YAP1: variants seen among roughly 807,000 people sequenced by gnomAD.
YAP1 encodes transcriptional coactivator YAP1.
YAP1 carries 5 observed loss-of-function variants against 56.9 expected under a neutral mutation model. That is an observed-to-expected ratio of 0.09 (90% CI 0.05 to 0.18). The LOEUF (loss-of-function observed/expected upper bound fraction) is 0.18. YAP1 is among the 10% of genes least tolerant of loss of function. The pLI is 1.00. For synonymous variants in YAP1, 265 were observed against 248.1 expected (o/e 1.07, Z -0.64); for missense variants, 539 against 651.8 (o/e 0.83, Z 1.88).
Position 102,154,422 on chromosome 11 carries a change from A to G in YAP1, c.573-8034A>G, listed in dbSNP as rs149860374. Among the ~76,000 whole-genome samples, 86 of 152,154 alleles carry G rather than the reference A, an allele frequency of 5.7e-4. 1 individual carries two copies. Among genetic ancestry groups the G allele is most frequent in the Admixed American group, 8.5e-4 (13 of 15,262 alleles). ...ACTCTTCTAAGTAAGCCAGTCCTGT[A>G]AGCATGATTTGTATGAGTGTCTAGC... On this transcript the variant is annotated intron_variant, in intron 2 of 8. Transcript: ENST00000282441.
chr11:102,183,192 T>A (rs1238827223), intron 3 of YAP1, among the ~76,000 whole-genome samples: 1 of 152,212 alleles, frequency 6.6e-6, no homozygotes, highest in South Asian at 2.1e-4. Context: ...CTGAGCTGTC[T>A]CTTGCAGGAT....
At chr11:102,172,040 AG>A (rs1339441363) in intron 3 of YAP1, among the ~76,000 whole-genome samples, 19 of 152,072 alleles carry the variant, frequency 1.2e-4, no homozygotes, top group African/African-American at 4.6e-4. Context: ...AAATACAAAA[AG>A]TTACCTGGGT....
intron 1 of YAP1, among the ~76,000 whole-genome samples, chr11:102,112,037 T>C (rs530970630): frequency 6.6e-6 from 1 of 152,340 alleles, no homozygotes; most frequent in East Asian, 1.9e-4. Context: ...TGTAGACTAT[T>C]ATTTACAGTC....
intron 3 of YAP1, among the ~76,000 whole-genome samples, chr11:102,165,448 A>G (rs1946547102): frequency 6.6e-6 from 1 of 152,174 alleles, no homozygotes; most frequent in Non-Finnish European, 1.5e-5. Flanking sequence ...ATACATGTCT[A>G]AATAATAGAG....
intron 2 of YAP1, among the ~76,000 whole-genome samples, chr11:102,121,429 A>G (rs1405222197): frequency 9.7e-6 from 1 of 103,304 alleles, no homozygotes; most frequent in Non-Finnish European, 1.9e-5. Context: ...TGGGAGTGAG[A>G]CCTTGTCTCA....
rs1024318079 is a variant in YAP1, at chr11:102,230,001, A to T, written c.*61A>T. ...GATCTAAGGAGACACATGCACCGGAAATTTCCATAAGCCAGTTGCAGTTTT... is the reference window on the plus strand; with the variant it reads ...GATCTAAGGAGACACATGCACCGGATATTTCCATAAGCCAGTTGCAGTTTT... On this transcript the variant is annotated 3_prime_UTR_variant, in exon 9 of 9. Coordinates refer to ENST00000282441, the MANE Select transcript of YAP1 (RefSeq NM_001130145.3). 1.4e-5 allele frequency: 20 copies of T among 1,445,108 alleles called. No homozygotes were observed. The highest frequency in any genetic ancestry group is 1.8e-5 in the Non-Finnish European group (19 of 1,040,128). 89.5% of individuals were successfully genotyped at this position (1,445,108 alleles called of 1,614,324 possible). A position where few individuals can be genotyped will look rare whatever the true frequency, so the allele number is the denominator to read the frequency against.
chr11:102,209,479 T>C (rs541243221), intron 5 of YAP1, 38 bp from the exon 6 acceptor site: 35 of 1,590,962 alleles, frequency 2.2e-5, no homozygotes, highest in Non-Finnish European at 2.7e-5. Flanking sequence ...ACCATGTGGC[T>C]TAAAGTAATT....
intron 2 of YAP1, among the ~76,000 whole-genome samples, chr11:102,137,927 G>T (rs1035143230): frequency 6.6e-6 from 1 of 150,986 alleles, no homozygotes; most frequent in Non-Finnish European, 1.5e-5. Context: ...TTGCTCTGTC[G>T]CCCAGGCTGG....
chr11:102,210,954 A>G (rs1029557478), intron 6 of YAP1, among the ~76,000 whole-genome samples: 1 of 152,112 alleles, frequency 6.6e-6, no homozygotes, highest in African/African-American at 2.4e-5. Flanking sequence ...ACGGGGTTTC[A>G]CAGTGTTAGC....
At position 102,151,295 on chromosome 11, in the gene YAP1, C is replaced by T. The variant is rs377554071; in HGVS notation, c.573-11161C>T. On this transcript the variant is annotated intron_variant, in intron 2 of 8. Coordinates refer to ENST00000282441, the MANE Select transcript of YAP1 (RefSeq NM_001130145.3). ...GGTTTAGCTGAAATGTACTTGGGTT[C>T]TCTCATTTAAGTGGTACAGAAATCA... Among the ~76,000 whole-genome samples, 11 of 152,218 alleles carry T rather than the reference C, an allele frequency of 7.2e-5. No individual in the cohort carries two copies. In the East Asian group the frequency reaches 9.7e-4, roughly 13 times the overall value.
At chr11:102,181,987 A>C (rs1433653418) in intron 3 of YAP1, among the ~76,000 whole-genome samples, 2 of 151,888 alleles carry the variant, frequency 1.3e-5, no homozygotes, top group Non-Finnish European at 2.9e-5. Flanking sequence ...CACCCGGCTA[A>C]TTTTTTGTAT....
chr11:102,207,401 G>A (rs537978745), intron 5 of YAP1, among the ~76,000 whole-genome samples: 3 of 151,654 alleles, frequency 2.0e-5, no homozygotes, highest in South Asian at 2.1e-4. Flanking sequence ...TTTAAAAATC[G>A]TCATACTCGG....
rs111721125 is a variant in YAP1 at position 102,125,357 on chromosome 11, CTTT to C, written c.572+10971_572+10973del. ...TTTTCCCAAAAAGCTATTTCTCATTCTTTTTTTTTTCTTTTCTTTTCTTTTTTT... is the reference window on the plus strand; with the variant it reads ...TTTTCCCAAAAAGCTATTTCTCATTCTTTTTTTCTTTTCTTTTCTTTTTTT... On this transcript the variant is annotated intron_variant, in intron 2 of 8. Transcript: ENST00000282441. Among the ~76,000 whole-genome samples the C allele has an allele frequency of 4.2e-5, 6 of 142,336 alleles. No individual in the cohort carries two copies. The East Asian group carries it at 1.0e-3, about 25-fold the overall frequency. The allele number at this position is 142,336 out of a possible 152,430, so 93.4% of individuals were successfully genotyped here.
chr11:102,152,950 G>T (rs1048791069), intron 2 of YAP1, among the ~76,000 whole-genome samples: 6 of 152,218 alleles, frequency 3.9e-5, no homozygotes, highest in Admixed American at 1.3e-4. Flanking sequence ...GGACATTTGA[G>T]CTGTCCTCAA....
chr11:102,110,832 CG>C lies in YAP1; in HGVS notation c.-12del, dbSNP rs1157569154. ...CTCGCCTGGGTCAGGGGGTGCGCGT[CG>C]GGGGAGGCAGAAGCCATGGATCCCG... On this transcript the variant is annotated 5_prime_UTR_variant, in exon 1 of 9. Transcript: ENST00000282441. 10 of 1,386,292 alleles carry C rather than the reference CG, an allele frequency of 7.2e-6. No individual in the cohort carries two copies. Among genetic ancestry groups the C allele is most frequent in the South Asian group, 3.1e-5 (2 of 64,836 alleles). The allele number at this position is 1,386,292 out of a possible 1,614,324, so 85.9% of individuals were successfully genotyped here. A position where few individuals can be genotyped will look rare whatever the true frequency, so the allele number is the denominator to read the frequency against.
chr11:102,210,664 A>G (rs74629554), intron 6 of YAP1, among the ~76,000 whole-genome samples: 3,767 of 152,330 alleles, frequency 0.025, 62 homozygotes, highest in Middle Eastern at 0.078. Context: ...TGTGAAGTGC[A>G]GGATAGCATT....
chr11:102,129,191 G>A (rs1944226134), intron 2 of YAP1, among the ~76,000 whole-genome samples: 1 of 152,152 alleles, frequency 6.6e-6, no homozygotes, highest in Admixed American at 6.5e-5. Context: ...ACTCAAAAAA[G>A]TAGCCTGTGT....
intron 2 of YAP1, among the ~76,000 whole-genome samples, chr11:102,157,587 AC>A (rs1159949392): frequency 6.6e-6 from 1 of 152,206 alleles, no homozygotes; most frequent in African/African-American, 2.4e-5. Context: ...TTTATTGTTT[AC>A]TAAAAGTCAA....
At chr11:102,154,580 A>G (rs1181714332) in intron 2 of YAP1, among the ~76,000 whole-genome samples, 2 of 152,196 alleles carry the variant, frequency 1.3e-5, no homozygotes, top group East Asian at 3.8e-4. Flanking sequence ...ATGATGGGTG[A>G]CTATTGCAAG....
Sources: gnomAD v4.1 joint callset for allele counts (sites outside exome capture counted in the v4.1 genomes callset) on GRCh38, gnomAD v4.1.1 for gene constraint, MANE v1.5 for transcripts, NCBI Gene and HGNC (gene_info 2026-07-23, HGNC 2026-07-21) for gene names.